The following JMJD1C variants were observed in gnomAD, a reference collection of about 807,000 sequenced individuals.
The protein encoded by JMJD1C is jumonji domain containing 1C, also known as jumonji domain-containing protein 1C.
Under a neutral mutation model 245.3 loss-of-function variants are expected in JMJD1C, and 31 were observed. The ratio of observed to expected loss-of-function variants is 0.13; its 90% CI spans 0.09 to 0.17. The LOEUF is 0.17. Ranked by LOEUF, JMJD1C falls within the 10% of genes least tolerant of loss-of-function variation. JMJD1C has a pLI of 1.00. For synonymous variants in JMJD1C, 1,057 were observed against 1,017.4 expected, an observed-to-expected ratio of 1.04 and a Z score of -0.74; for missense variants, 2,691 against 3,000.2, an observed-to-expected ratio of 0.90 and a Z score of 2.41.
At chr10:63,361,814 T>C (rs1344998623) in intron 2 of JMJD1C, among the ~76,000 whole-genome samples, 1 of 151,106 alleles carries the variant, frequency 6.6e-6, no homozygotes, top group East Asian at 1.9e-4. Flanking sequence ...TCCAAAATTA[T>C]AGAGCAGAAA....
chr10:63,407,418 T>A (rs1186522796), intron 1 of JMJD1C, among the ~76,000 whole-genome samples: 1 of 152,116 alleles, frequency 6.6e-6, no homozygotes, highest in Non-Finnish European at 1.5e-5. Context: ...GAAAGCCAGA[T>A]AAAGCACTGA....
chr10:63,187,935 C>A (rs993054509), intron 18 of JMJD1C, among the ~76,000 whole-genome samples: 2 of 152,160 alleles, frequency 1.3e-5, no homozygotes, highest in Non-Finnish European at 2.9e-5. Flanking sequence ...ATTCCTCTAG[C>A]CATCTCCTTA....
chr10:63,292,003 T>A (rs1385262871), intron 2 of JMJD1C, among the ~76,000 whole-genome samples: 1 of 151,806 alleles, frequency 6.6e-6, no homozygotes, highest in Admixed American at 6.6e-5. Context: ...TAGGCTGGAG[T>A]GTCATGGCAC....
chr10:63,503,259 T>G (rs1360123198), intron 1 of JMJD1C, among the ~76,000 whole-genome samples: 2 of 152,172 alleles, frequency 1.3e-5, no homozygotes, highest in Non-Finnish European at 2.9e-5. Context: ...ATTGTAGGTT[T>G]TTTAGGGGTT....
At chr10:63,185,809 T>C (rs1485067297) in intron 19 of JMJD1C, among the ~76,000 whole-genome samples, 156 bp from the exon 20 acceptor site, 1 of 152,128 alleles carries the variant, frequency 6.6e-6, no homozygotes, top group African/African-American at 2.4e-5. Context: ...TGTACTTATG[T>C]AGTATTAAAA....
At chr10:63,495,733 C>CAA (rs1015877723) in intron 1 of JMJD1C, among the ~76,000 whole-genome samples, 1 of 114,500 alleles carries the variant, frequency 8.7e-6, no homozygotes, top group Non-Finnish European at 1.8e-5. Flanking sequence ...ACTCCAGCCT[C>CAA]AAAAAAAACA....
chr10:63,467,748 C>CGA, upstream of JMJD1C, among the ~76,000 whole-genome samples: 1 of 152,262 alleles, frequency 6.6e-6, no homozygotes, highest in African/African-American at 2.4e-5. Context: ...AATAATTCAA[C>CGA]ATATGTAAGG....
At position 63,322,390 on chromosome 10, in the gene JMJD1C, G is replaced by A. The variant is rs527380608; in HGVS notation, c.334-57626C>T. Among the ~76,000 whole-genome samples, 9 of 152,154 alleles carry A rather than the reference G, an allele frequency of 5.9e-5. No homozygotes were observed. In the South Asian group the frequency reaches 1.7e-3, roughly 28 times the overall value. Reference sequence around the variant, plus strand: ...TGCCAACCTGCAGTATATTATGAGCGCAAGAGATGGAAAGTGACTTAGGTG... The same window carrying A: ...TGCCAACCTGCAGTATATTATGAGCACAAGAGATGGAAAGTGACTTAGGTG... On this transcript the variant is annotated intron_variant, in intron 2 of 25. Transcript: ENST00000399262.
chr10:63,334,013 A>T (rs1033147020), intron 2 of JMJD1C, among the ~76,000 whole-genome samples: 3 of 152,206 alleles, frequency 2.0e-5, no homozygotes, highest in Admixed American at 1.3e-4. Context: ...TGATAAAAAG[A>T]AAGTAAGTAA....
intron 2 of JMJD1C, among the ~76,000 whole-genome samples, chr10:63,315,421 T>C (rs1939860460): frequency 1.3e-5 from 2 of 152,220 alleles, no homozygotes; most frequent in Admixed American, 1.3e-4. Context: ...TCATCTATTG[T>C]AACATTCCTT....
At chr10:63,520,728 T>A (rs1955187944) in intron 1 of JMJD1C, among the ~76,000 whole-genome samples, 1 of 152,156 alleles carries the variant, frequency 6.6e-6, no homozygotes. Flanking sequence ...CTGTAAACAG[T>A]CTTTGCAGAT....
At chr10:63,337,550 C>CAAGAAAAGAAAAGAAAAGAA (rs200782668) in intron 2 of JMJD1C, among the ~76,000 whole-genome samples, 13 of 55,050 alleles carry the variant, frequency 2.4e-4, no homozygotes, top group Non-Finnish European at 3.0e-4. Flanking sequence ...GAGGAGAGGA[C>CAAGAAAAGAAAAGAAAAGAA]AAGAAAAGAA....
Position 63,215,432 on chromosome 10 carries a change from T to G in JMJD1C, c.846A>C (p.Ala282=). The change falls in exon 7 of 26, where the codon GCA becomes GCC. Residue 282 remains alanine (A), a synonymous_variant. Transcript: ENST00000399262. ...AGTTCATTGCTGGTCTGGGACTATT[T>G]GCTTGGGCACGTGTATAATGGCTCT... ...AVHSHYTRAQ[A]NSPRPAMNSQ... The G allele has an allele frequency of 6.2e-7, 1 of 1,614,180 alleles. No individual in the cohort carries two copies.
At chr10:63,369,696 T>C (rs753575462) in intron 2 of JMJD1C, among the ~76,000 whole-genome samples, 3 of 152,206 alleles carry the variant, frequency 2.0e-5, no homozygotes, top group Non-Finnish European at 4.4e-5. Flanking sequence ...TTCAAATATA[T>C]TCATTTTGCT....
intron 2 of JMJD1C, among the ~76,000 whole-genome samples, chr10:63,303,260 G>C (rs909257275): frequency 6.6e-6 from 1 of 152,150 alleles, no homozygotes; most frequent in African/African-American, 2.4e-5. Context: ...AGGGAAGAGA[G>C]GCATTCTTCT....
At chr10:63,313,183 A>T (rs1939467398) in intron 2 of JMJD1C, among the ~76,000 whole-genome samples, 1 of 152,124 alleles carries the variant, frequency 6.6e-6, no homozygotes, top group South Asian at 2.1e-4. Flanking sequence ...CCACTTATGA[A>T]AGAGAACATA....
chr10:63,499,027 A>G (rs1029495222), intron 1 of JMJD1C, among the ~76,000 whole-genome samples: 4 of 152,302 alleles, frequency 2.6e-5, no homozygotes, highest in Admixed American at 1.3e-4. Flanking sequence ...CTCAAAGTTC[A>G]TCCATGTTGT....
intron 1 of JMJD1C, among the ~76,000 whole-genome samples, chr10:63,474,350 C>A (rs889491936): frequency 6.6e-6 from 1 of 151,930 alleles, no homozygotes. Context: ...AGCGGGCAGC[C>A]GTGAAGAAAA....
chr10:63,519,340 C>CA (rs1177832386), intron 1 of JMJD1C, among the ~76,000 whole-genome samples: 1 of 152,144 alleles, frequency 6.6e-6, no homozygotes, highest in Non-Finnish European at 1.5e-5. Flanking sequence ...TGATGACCTC[C>CA]AAAGTAAAAA....
Sources: gnomAD v4.1 joint callset for allele counts (sites outside exome capture counted in the v4.1 genomes callset) on GRCh38, gnomAD v4.1.1 for gene constraint, MANE v1.5 for transcripts, NCBI Gene and HGNC (gene_info 2026-07-23, HGNC 2026-07-21) for gene names.